The following SMTNL1 variants were observed in gnomAD, a reference collection of about 807,000 sequenced individuals.
SMTNL1 encodes smoothelin like 1.
A neutral mutation model predicts 46.6 loss-of-function variants in SMTNL1; 41 were observed. The ratio of observed to expected loss-of-function variants is 0.88; its 90% CI spans 0.69 to 1.14. The LOEUF is 1.14. SMTNL1 is among the 50% of genes most tolerant of loss of function. The probability of loss-of-function intolerance (pLI) is 0.00; values close to 1 mark genes in which losing one functional copy is unlikely to be tolerated. For missense variants in SMTNL1, 591 were observed against 626.1 expected (o/e 0.94, Z 0.60); for synonymous variants, 234 against 234.2 (o/e 1.00, Z 0.01).
intron 7 of SMTNL1, among the ~76,000 whole-genome samples, chr11:57,549,092 C>G (rs1004950424): frequency 6.7e-6 from 1 of 148,710 alleles, no homozygotes; most frequent in Non-Finnish European, 1.5e-5. Flanking sequence ...GTGGTATGAT[C>G]TCAGCTCACT....
chr11:57,541,570 T>G (rs754503162), intron 1 of SMTNL1: 6 of 1,366,406 alleles, frequency 4.4e-6, no homozygotes, highest in Non-Finnish European at 5.9e-6. Flanking sequence ...ACGGCTCCAT[T>G]CTTCACTCAA....
chr11:57,541,511 C>A (rs771292608), intron 1 of SMTNL1: 1 of 1,367,308 alleles, frequency 7.3e-7, no homozygotes, highest in Admixed American at 1.9e-5. Context: ...CCCCCATGCT[C>A]CCGGGGGCAG....
Position 57,546,548 on chromosome 11 carries a change from C to T in SMTNL1, c.1236C>T (p.Ala412=). 2 of 1,614,194 alleles carry T rather than the reference C, an allele frequency of 1.2e-6. No homozygotes were observed. Among genetic ancestry groups the T allele is most frequent in the Non-Finnish European group, 1.7e-6 (2 of 1,180,024 alleles). ...NFSSSWSSGM[A]FCALIHKFFP... Reference sequence around the variant, plus strand: ...CCTCCAGCTGGAGCAGTGGTATGGCCTTCTGTGCCCTCATCCACAAGTTCT... The same window carrying T: ...CCTCCAGCTGGAGCAGTGGTATGGCTTTCTGTGCCCTCATCCACAAGTTCT... Residue 412 remains alanine, a synonymous_variant, in exon 7 of 8, where the codon GCC becomes GCT. Coordinates refer to ENST00000527972, the MANE Select transcript of SMTNL1 (RefSeq NM_001105565.3).
intron 1 of SMTNL1, among the ~76,000 whole-genome samples, 133 bp downstream of exon 1, chr11:57,537,775 C>T (rs982639714): frequency 6.6e-6 from 1 of 152,234 alleles, no homozygotes; most frequent in Admixed American, 6.5e-5. Context: ...TAATTCTCTC[C>T]ACCACAATGT....
In SMTNL1 at chr11:57,546,560, C is replaced by T. The variant is rs372869577; in HGVS notation, c.1248C>T (p.Leu416=). ...GCAGTGGTATGGCCTTCTGTGCCCT[C>T]ATCCACAAGTTCTTCCCTGACGCCT... The part of the protein sequence containing the change: ...SWSSGMAFCA[L]IHKFFPDAFD... The change falls in exon 7 of 8, where the codon CTC becomes CTT. Residue 416 remains leucine (L), a synonymous_variant. Transcript: ENST00000527972. The T allele has an allele frequency of 2.0e-5, 33 of 1,614,216 alleles. No homozygotes were observed. In the African/African-American group the frequency reaches 3.6e-4, roughly 18 times the overall value.
At chr11:57,544,931 G>A (rs1944910438) in intron 4 of SMTNL1, among the ~76,000 whole-genome samples, 1 of 150,702 alleles carries the variant, frequency 6.6e-6, no homozygotes, top group Non-Finnish European at 1.5e-5. Context: ...CTGCCTCCCG[G>A]GTTCAAGCGA....
intron 4 of SMTNL1, among the ~76,000 whole-genome samples, chr11:57,545,450 C>T (rs1213380207): frequency 1.3e-5 from 2 of 151,724 alleles, no homozygotes; most frequent in Admixed American, 6.6e-5. Flanking sequence ...ACTAATAATA[C>T]AAAAATTAGC....
chr11:57,543,350 G>T lies in SMTNL1; in HGVS notation c.708G>T (p.Glu236Asp). 6.2e-7 allele frequency: 1 copy of T among 1,613,920 alleles called. No homozygotes were observed. The change falls in exon 2 of 8, where the codon GAG becomes GAT. Residue 236 changes from glutamate (E) to aspartate (D), a missense_variant. By Grantham distance (45) the Glu-to-Asp change is conservative (BLOSUM62 2). Coordinates refer to ENST00000527972, the MANE Select transcript of SMTNL1 (RefSeq NM_001105565.3). ...HGAKEEADAK[E>D]EAEDAEEAEP... Reference sequence around the variant, plus strand: ...CAAAAGAGGAGGCTGATGCAAAAGAGGAGGCGGAGGATGCAGAGGAGGCAG... The same window carrying T: ...CAAAAGAGGAGGCTGATGCAAAAGATGAGGCGGAGGATGCAGAGGAGGCAG...
At chr11:57,545,752 T>C in intron 4 of SMTNL1, 129 bp from the exon 5 acceptor site, 1 of 886,658 alleles carries the variant, frequency 1.1e-6, no homozygotes, top group Non-Finnish European at 1.7e-6. Context: ...GTCCTCCCAG[T>C]GCTGGGCACA....
At position 57,543,274 on chromosome 11, in the gene SMTNL1, C is replaced by G; in HGVS notation, c.632C>G (p.Ala211Gly). 6.2e-7 allele frequency: 1 copy of G among 1,613,876 alleles called. No individual in the cohort carries two copies. The highest frequency in any genetic ancestry group is 1.3e-5 in the African/African-American group (1 of 75,016). The change falls in exon 2 of 8, where the codon GCT (alanine) becomes GGT (glycine). Residue 211 changes from alanine (A) to glycine (G), a missense_variant. Transcript: ENST00000527972. ...CAGAAGGCTGTTGTGGAGGATGAGG[C>G]TAAGGCTGAACCCAAGGAGCCCGAT... ...ESQKAVVEDE[A>G]KAEPKEPDGK... is the part of the protein sequence containing the mutation.
chr11:57,541,462 ACTT>A, intron 1 of SMTNL1: 1 of 1,365,892 alleles, frequency 7.3e-7, no homozygotes, highest in East Asian at 4.6e-5. Context: ...TATATACAGT[ACTT>A]AAATAGGAAA....
chr11:57,544,011 C>A, intron 4 of SMTNL1, 91 bp downstream of exon 4: 1 of 1,288,608 alleles, frequency 7.8e-7, no homozygotes, highest in Non-Finnish European at 1.1e-6. Flanking sequence ...GTTCCCCCAG[C>A]ACCTGATTTC....
At position 57,542,705 on chromosome 11, in the gene SMTNL1, C is replaced by A. The variant is rs1024589119; in HGVS notation, c.63C>A (p.Asn21Lys). ...CCACCGTCTCCCCAGCTGCGGACAA[C>A]CCTGAGATGTCAGGAGGTGGAGCCC... ...DGTTVSPAAD[N>K]PEMSGGGAPA... is the part of the protein sequence containing the mutation. The change falls in exon 2 of 8, where the codon AAC becomes AAA. Residue 21 changes from asparagine (N) to lysine (K), a missense_variant. Physicochemically the swap from Asn to Lys is moderately conservative, Grantham distance 94 (BLOSUM62 0). Coordinates refer to ENST00000527972, the MANE Select transcript of SMTNL1 (RefSeq NM_001105565.3). The A allele has an allele frequency of 3.1e-6, 5 of 1,613,822 alleles. No homozygotes were observed. The highest frequency in any genetic ancestry group is 3.4e-6 in the Non-Finnish European group (4 of 1,179,854).
At chr11:57,540,734 G>T (rs569555452) in intron 1 of SMTNL1, among the ~76,000 whole-genome samples, 2 of 142,674 alleles carry the variant, frequency 1.4e-5, no homozygotes, top group Non-Finnish European at 3.2e-5. Context: ...TTTTTGAGAC[G>T]GAGTCTCGCT....
Position 57,549,956 on chromosome 11 carries a change from C to T in SMTNL1, c.1341-12C>T. The T allele has an allele frequency of 6.2e-7, 1 of 1,613,578 alleles. No individual in the cohort carries two copies. The highest frequency in any genetic ancestry group is 8.5e-7 in the Non-Finnish European group (1 of 1,179,616). ...TTTGACCTTCTGCTCCTCATTCCAC[C>T]CCATTCCTTAGGAAACTGGCTGACT... is the stretch of plus-strand genomic sequence containing the variant. On this transcript the variant is annotated splice_polypyrimidine_tract_variant and intron_variant, in intron 7 of 7. Coordinates refer to ENST00000527972, the MANE Select transcript of SMTNL1 (RefSeq NM_001105565.3).
Position 57,543,629 on chromosome 11 carries a change from A to C in SMTNL1, c.738A>C (p.Pro246=), listed in dbSNP as rs763581392. 2 of 1,607,760 alleles carry C rather than the reference A, an allele frequency of 1.2e-6. No individual in the cohort carries two copies. The highest frequency in any genetic ancestry group is 3.4e-5 in the Admixed American group (2 of 59,122). ...GCAGATCATGCTCATTCCAGGAGCC[A>C]GGCAGTCCCAGCGAAGAGCAGGAGC... ...EEAEDAEEAE[P]GSPSEEQEQD... The change falls in exon 3 of 8, where the codon CCA becomes CCC. Residue 246 remains proline (P), a synonymous_variant. Transcript: ENST00000527972.
intron 5 of SMTNL1, 60 bp downstream of exon 5, chr11:57,546,096 G>A: frequency 6.5e-7 from 1 of 1,531,678 alleles, no homozygotes; most frequent in Non-Finnish European, 8.8e-7. Flanking sequence ...GTTGGTGGGA[G>A]GGTGGCCTCA....
intron 1 of SMTNL1, among the ~76,000 whole-genome samples, chr11:57,538,965 C>T (rs373534313): frequency 2.0e-5 from 3 of 152,134 alleles, no homozygotes; most frequent in African/African-American, 7.2e-5. Context: ...AGGTGATAAA[C>T]ACGCAGGATA....
chr11:57,548,531 G>A (rs1001929934), intron 7 of SMTNL1, among the ~76,000 whole-genome samples: 1 of 152,078 alleles, frequency 6.6e-6, no homozygotes, highest in African/African-American at 2.4e-5. Context: ...TTAGCTGGGC[G>A]TGGTGGCACA....
Sources: allele counts gnomAD v4.1 joint callset (sites outside exome capture counted in the v4.1 genomes callset), GRCh38; gene constraint gnomAD v4.1.1; transcripts MANE v1.5; gene names NCBI Gene and HGNC (gene_info 2026-07-23, HGNC 2026-07-21).